Variants in RAD51C observed in about 807,000 individuals in gnomAD.
The protein encoded by RAD51C is RAD51 paralog C.
RAD51C carries 42 observed loss-of-function variants against 45.0 expected under a neutral mutation model. The observed-to-expected ratio is 0.93, with a 90% CI of 0.73 to 1.21. The LOEUF (loss-of-function observed/expected upper bound fraction) is 1.21, where lower values mean the gene tolerates loss of function less well. Ranked by LOEUF, RAD51C falls within the 50% of genes most tolerant of loss-of-function variation. The pLI is 0.00. For missense variants in RAD51C, 474 were observed against 452.2 expected (o/e 1.05, Z -0.44); for synonymous variants, 172 against 159.8 (o/e 1.08, Z -0.58).
chr17:58,724,172 T>C, intron 7 of RAD51C, 72 bp downstream of exon 7: 10 of 1,435,872 alleles, frequency 7.0e-6, no homozygotes, highest in Non-Finnish European at 9.8e-6. Context: ...ACAGGTTTCT[T>C]AGAGCTAGTC....
chr17:58,708,361 C>G (rs2048441549), intron 4 of RAD51C, among the ~76,000 whole-genome samples: 1 of 151,904 alleles, frequency 6.6e-6, no homozygotes, highest in Admixed American at 6.6e-5. Flanking sequence ...AAAACATAAC[C>G]TCCAAGAGAG....
At chr17:58,701,657 G>A (rs376901716) in intron 3 of RAD51C, among the ~76,000 whole-genome samples, 17 of 149,998 alleles carry the variant, frequency 1.1e-4, no homozygotes, top group East Asian at 6.0e-4. Flanking sequence ...TACAACCTCC[G>A]TCTCCCGGGT....
At chr17:58,712,361 A>AG (rs2048586820) in intron 5 of RAD51C, among the ~76,000 whole-genome samples, 1 of 151,496 alleles carries the variant, frequency 6.6e-6, no homozygotes, top group Non-Finnish European at 1.5e-5. Context: ...AAAAAAAAAA[A>AG]AAAAGAAATT....
At chr17:58,734,041 G>A in intron 8 of RAD51C, 77 bp from the exon 9 acceptor site, 1 of 1,542,344 alleles carries the variant, frequency 6.5e-7, no homozygotes, top group Non-Finnish European at 8.8e-7. Flanking sequence ...TTTCTTATTA[G>A]TTACTTAAAA....
At chr17:58,727,381 C>G (rs1478727771) in intron 7 of RAD51C, among the ~76,000 whole-genome samples, 2 of 152,044 alleles carry the variant, frequency 1.3e-5, no homozygotes, top group Non-Finnish European at 1.5e-5. Flanking sequence ...ACCTCAGCCT[C>G]TCAAAGTGCT....
At chr17:58,733,593 T>G (rs1193474109) in intron 8 of RAD51C, among the ~76,000 whole-genome samples, 1 of 152,232 alleles carries the variant, frequency 6.6e-6, no homozygotes, top group Non-Finnish European at 1.5e-5. Context: ...CAATGTTATT[T>G]CTGTGCGTGT....
In RAD51C at chr17:58,692,706, A is replaced by G. The variant is rs770111989; in HGVS notation, c.63A>G (p.Pro21=). The change falls in exon 1 of 9, where the codon CCA becomes CCG. Residue 21 remains proline, a synonymous_variant. Coordinates refer to ENST00000337432, the MANE Select transcript of RAD51C (RefSeq NM_058216.3). Reference sequence around the variant, plus strand: ...ATTTGGTGAGTTTCCCGCTGTCTCCAGCGGTGCGGGTGAAGCTGGTGTCTG... The same window carrying G: ...ATTTGGTGAGTTTCCCGCTGTCTCCGGCGGTGCGGGTGAAGCTGGTGTCTG... ...QRDLVSFPLS[P]AVRVKLVSAG... is the part of the protein sequence containing the mutation. 4 of 1,614,234 alleles carry G rather than the reference A, an allele frequency of 2.5e-6. No homozygotes were observed. In the South Asian group the frequency reaches 4.4e-5, roughly 18 times the overall value.
chr17:58,730,412 C>T (rs1015724581), intron 7 of RAD51C, among the ~76,000 whole-genome samples: 2 of 150,760 alleles, frequency 1.3e-5, no homozygotes, highest in Admixed American at 6.6e-5. Flanking sequence ...CTCCTGACCT[C>T]GTGATCTGCC....
At position 58,709,846 on chromosome 17, in the gene RAD51C, C is replaced by G. The variant is rs747406535; in HGVS notation, c.706-13C>G. 180 of 1,597,188 alleles carry G rather than the reference C, an allele frequency of 1.1e-4. No individual in the cohort carries two copies. The highest frequency in any genetic ancestry group is 1.5e-4 in the Non-Finnish European group (174 of 1,165,146). On this transcript the variant is annotated splice_polypyrimidine_tract_variant and intron_variant, in intron 4 of 8. Coordinates refer to ENST00000337432, the MANE Select transcript of RAD51C (RefSeq NM_058216.3). The stretch of plus-strand genomic sequence containing the variant: ...TTTCGTAACAAATCTAATATTATCT[C>G]TTCTGTATTTAGGTTCGACTAGTGA...
At chr17:58,719,902 A>G (rs1017921199) in intron 5 of RAD51C, among the ~76,000 whole-genome samples, 4 of 149,886 alleles carry the variant, frequency 2.7e-5, no homozygotes, top group Non-Finnish European at 5.9e-5. Flanking sequence ...CTGATTTTTT[A>G]TATTTTTAGT....
intron 6 of RAD51C, among the ~76,000 whole-genome samples, chr17:58,722,759 C>T (rs1281370035): frequency 6.6e-5 from 10 of 152,178 alleles, no homozygotes; most frequent in Non-Finnish European, 1.2e-4. Flanking sequence ...AACTGGCGCT[C>T]TCTTTGCTAG....
rs969395239 is a variant in RAD51C, at chr17:58,695,146, A to G, written c.361A>G (p.Thr121Ala). 6 of 1,613,700 alleles carry G rather than the reference A, an allele frequency of 3.7e-6. No homozygotes were observed. Among genetic ancestry groups the G allele is most frequent in the Admixed American group, 1.7e-5 (1 of 59,944 alleles). The change falls in exon 2 of 9, where the codon ACA (threonine) becomes GCA (alanine). Residue 121 changes from threonine (T) to alanine (A), a missense_variant. Thr to Ala is a moderately conservative substitution (Grantham distance 58). Transcript: ENST00000337432. Reference sequence around the variant, plus strand: ...GGGTGGAGTGCCCTTAATGAAAACAACAGAAATTTGTGGTGCACCAGGTGT... The same window carrying G: ...GGGTGGAGTGCCCTTAATGAAAACAGCAGAAATTTGTGGTGCACCAGGTGT... ...LGGGVPLMKT[T>A]EICGAPGVGK...
chr17:58,693,742 T>G (rs1405931755), intron 1 of RAD51C: 4 of 152,160 alleles, frequency 2.6e-5, no homozygotes, highest in Non-Finnish European at 5.9e-5. Flanking sequence ...TATCGTCTCA[T>G]TCCCATTTTA....
intron 1 of RAD51C, chr17:58,693,865 T>A (rs1263401153): frequency 1.3e-5 from 2 of 152,204 alleles, no homozygotes; most frequent in Non-Finnish European, 2.9e-5. Flanking sequence ...GCATTCAGGC[T>A]CTTGATAGGA....
chr17:58,732,505 A>G lies in RAD51C; in HGVS notation c.987A>G (p.Ser329=). The stretch of plus-strand genomic sequence containing the variant: ...GCAGGTTGGCAACATTGTACAAGTC[A>G]CCCAGCCAGAAGGAATGCACAGTAC... ...RKQRLATLYK[S]PSQKECTVLF... The change falls in exon 8 of 9, where the codon TCA becomes TCG. Residue 329 remains serine, a synonymous_variant. Coordinates refer to ENST00000337432, the MANE Select transcript of RAD51C (RefSeq NM_058216.3). The G allele has an allele frequency of 6.2e-7, 1 of 1,613,428 alleles. No homozygotes were observed. Among genetic ancestry groups the G allele is most frequent in the Non-Finnish European group, 8.5e-7 (1 of 1,179,536 alleles).
At chr17:58,707,364 C>G (rs1447043140) in intron 4 of RAD51C, among the ~76,000 whole-genome samples, 2 of 152,048 alleles carry the variant, frequency 1.3e-5, no homozygotes, top group Non-Finnish European at 1.5e-5. Context: ...ACTAAAAATA[C>G]AAAAAAATTA....
At chr17:58,693,736 G>A (rs1389884414) in intron 1 of RAD51C, 2 of 151,918 alleles carry the variant, frequency 1.3e-5, no homozygotes, top group African/African-American at 2.4e-5. Flanking sequence ...TACATGTATC[G>A]TCTCATTCCC....
At chr17:58,724,206 C>T (rs28363323) in intron 7 of RAD51C, 106 bp downstream of exon 7, 81 of 1,093,456 alleles carry the variant, frequency 7.4e-5, no homozygotes, top group Non-Finnish European at 1.1e-4. Context: ...ATACAGTGAC[C>T]CATGAAGTGA....
intron 2 of RAD51C, among the ~76,000 whole-genome samples, chr17:58,696,083 A>AT (rs2143736547): frequency 6.8e-6 from 1 of 147,090 alleles, no homozygotes; most frequent in South Asian, 2.2e-4. Context: ...AAAAAAAAAA[A>AT]GGTAGATTTA....
Sources: allele counts gnomAD v4.1 joint callset (sites outside exome capture counted in the v4.1 genomes callset), GRCh38; gene constraint gnomAD v4.1.1; transcripts MANE v1.5; gene names NCBI Gene and HGNC (gene_info 2026-07-23, HGNC 2026-07-21).